The following DSP variants were observed in gnomAD, a reference collection of about 807,000 sequenced individuals.
The protein encoded by DSP is 250/210 kDa paraneoplastic pemphigus antigen.
A neutral mutation model predicts 290.6 loss-of-function variants in DSP; 114 were observed. The observed-to-expected ratio is 0.39, with a 90% CI of 0.34 to 0.46. The LOEUF is 0.46. Ranked by LOEUF, DSP falls within the 20% of genes least tolerant of loss-of-function variation. The probability of loss-of-function intolerance (pLI) is 0.99; values close to 1 mark genes in which losing one functional copy is unlikely to be tolerated. For synonymous variants in DSP, 1,311 were observed against 1,316.4 expected, an observed-to-expected ratio of 1.00 and a Z score of 0.09; for missense variants, 3,230 against 3,495.8, an observed-to-expected ratio of 0.92 and a Z score of 1.92.
chr6:7,570,400 G>A lies in DSP; in HGVS notation c.1575-37G>A, dbSNP rs752589035. On this transcript the variant is annotated intron_variant, in intron 12 of 23. Coordinates refer to ENST00000379802, the MANE Select transcript of DSP (RefSeq NM_004415.4). The stretch of plus-strand genomic sequence containing the variant: ...TTCCCATTTGGGATGAAGTGTGAAA[G>A]CCTGGCTCTAGCATGTTTTCCCTTT... The A allele has an allele frequency of 6.2e-6, 10 of 1,613,878 alleles. 1 individual carries two copies. The South Asian group carries it at 8.8e-5, about 14-fold the overall frequency.
chr6:7,565,693 C>A lies in DSP; in HGVS notation c.939+173C>A. 1 of 815,760 alleles carries A rather than the reference C, an allele frequency of 1.2e-6. No homozygotes were observed. The highest frequency in any genetic ancestry group is 1.9e-6 in the Non-Finnish European group (1 of 517,132). The allele number at this position is 815,760 out of a possible 1,614,324, so 50.5% of individuals were successfully genotyped here. The stretch of plus-strand genomic sequence containing the variant: ...TCCTGAAAACTTCTCCGTGTGGAGG[C>A]CATTATCCTTAGCAAACTTATGCGG... On this transcript the variant is annotated intron_variant, in intron 7 of 23. Coordinates refer to ENST00000379802, the MANE Select transcript of DSP (RefSeq NM_004415.4). The surrounding 1 kb of genome is among the most constrained non-coding windows in gnomAD (Gnocchi z 4.2).
chr6:7,548,010 C>T (rs2113641160), intron 1 of DSP, among the ~76,000 whole-genome samples: 2 of 152,270 alleles, frequency 1.3e-5, no homozygotes, highest in South Asian at 4.1e-4. Flanking sequence ...TGGCTCACGC[C>T]TGTAATCCAG....
At chr6:7,578,584 T>TG (rs1217457150) in intron 22 of DSP, 22 bp downstream of exon 22, 1 of 1,580,650 alleles carries the variant, frequency 6.3e-7, no homozygotes, top group Non-Finnish European at 8.7e-7. Context: ...TGTCTTTTCT[T>TG]GTAGCGTCAA....
chr6:7,576,714 T>C (rs1759250054), intron 19 of DSP, among the ~76,000 whole-genome samples: 1 of 152,212 alleles, frequency 6.6e-6, no homozygotes, highest in African/African-American at 2.4e-5. Context: ...ATTGAGGGGA[T>C]AGGCCCAGAA....
rs145951892 is a variant in DSP at position 7,571,556 on chromosome 6, G to A, written c.1875G>A (p.Gln625=). 1 of 1,614,188 alleles carries A rather than the reference G, an allele frequency of 6.2e-7. No homozygotes were observed. Among genetic ancestry groups the A allele is most frequent in the Non-Finnish European group, 8.5e-7 (1 of 1,180,020 alleles). ...AQKHYQTLVI[Q]LPGYPQHQTV... ...AGCATTACCAGACCCTGGTCATTCA[G>A]CTCCCTGGCTATCCCCAGCACCAGA... The change falls in exon 14 of 24, where the codon CAG becomes CAA. Residue 625 remains glutamine (Q), a synonymous_variant. Transcript: ENST00000379802.
At chr6:7,574,862 T>C (rs899030643) in intron 17 of DSP, 67 bp downstream of exon 17, 22 of 1,609,250 alleles carry the variant, frequency 1.4e-5, no homozygotes, top group Non-Finnish European at 1.7e-5. Context: ...CTCCCAATTA[T>C]AAAGCCTCAC....
chr6:7,585,412 G>T lies in DSP; in HGVS notation c.8150G>T (p.Trp2717Leu), dbSNP rs1318677826. 1 of 1,614,146 alleles carries T rather than the reference G, an allele frequency of 6.2e-7. No homozygotes were observed. Among genetic ancestry groups the T allele is most frequent in the Non-Finnish European group, 8.5e-7 (1 of 1,180,012 alleles). The change falls in exon 24 of 24, where the codon TGG becomes TTG. Residue 2717 changes from tryptophan (W) to leucine (L), a missense_variant. Physicochemically the swap from Trp to Leu is moderately conservative, Grantham distance 61. This residue lies in a region of DSP where 582 missense variants were observed against 555.4 expected (regional missense o/e 1.05). Coordinates refer to ENST00000379802, the MANE Select transcript of DSP (RefSeq NM_004415.4). ...MSAAEAVKEK[W>L]LPYEAGQRFL... Reference sequence around the variant, plus strand: ...GCAGCAGAGGCAGTGAAAGAAAAATGGCTCCCGTATGAGGCTGGCCAGCGC... The same window carrying T: ...GCAGCAGAGGCAGTGAAAGAAAAATTGCTCCCGTATGAGGCTGGCCAGCGC...
Position 7,555,700 on chromosome 6 carries a change from C to G in DSP, c.171-18C>G. On this transcript the variant is annotated intron_variant, in intron 1 of 23. Coordinates refer to ENST00000379802, the MANE Select transcript of DSP (RefSeq NM_004415.4). ...ATAGGTTATTTGATGTCTGGTTTCT[C>G]TGTGTTTGCCTCCTTAGTCAAACCG... is the stretch of plus-strand genomic sequence containing the variant. 1 of 1,610,164 alleles carries G rather than the reference C, an allele frequency of 6.2e-7. No homozygotes were observed. The highest frequency in any genetic ancestry group is 8.5e-7 in the Non-Finnish European group (1 of 1,176,392).
chr6:7,545,272 A>G (rs1416177039), intron 1 of DSP, among the ~76,000 whole-genome samples: 1 of 152,238 alleles, frequency 6.6e-6, no homozygotes, highest in Non-Finnish European at 1.5e-5. Context: ...CTTATTTCTT[A>G]CTATGAGACA....
Position 7,580,602 on chromosome 6 carries a change from A to C in DSP, c.4412A>C (p.Asp1471Ala). The C allele has an allele frequency of 6.2e-7, 1 of 1,614,186 alleles. No homozygotes were observed. The highest frequency in any genetic ancestry group is 8.5e-7 in the Non-Finnish European group (1 of 1,180,036). ...ESVRYKQSLD[D>A]AAKTIQDKNK... is the part of the protein sequence containing the mutation. The stretch of plus-strand genomic sequence containing the variant: ...GTAAGATATAAGCAATCTCTTGATG[A>C]TGCTGCCAAAACCATCCAGGATAAA... Residue 1471 changes from aspartate (D) to alanine (A), a missense_variant, in exon 23 of 24, where the codon GAT (aspartate) becomes GCT (alanine). By Grantham distance (126) the Asp-to-Ala change is moderately radical. Transcript: ENST00000379802. The surrounding 1 kb of genome is among the most constrained non-coding windows in gnomAD (Gnocchi z 4.2).
rs1236768993 is a variant in DSP, at chr6:7,579,285, C to G, written c.3095C>G (p.Thr1032Ser). ...KSLEDLKLKN[T>S]KIEVLEEELR... ...GATTTCATTCCACAGCTGAAAAATA[C>G]CAAGATCGAAGTTTTGGAAGAGGAG... Residue 1032 changes from threonine to serine, a missense_variant, in exon 23 of 24, where the codon ACC (threonine) becomes AGC (serine). Thr to Ser is a moderately conservative substitution (Grantham distance 58, BLOSUM62 1). Coordinates refer to ENST00000379802, the MANE Select transcript of DSP (RefSeq NM_004415.4). This position sits in a 1 kb window ranked among gnomAD's most constrained non-coding sequence, Gnocchi z 4.1. The G allele has an allele frequency of 1.2e-6, 2 of 1,613,940 alleles. No individual in the cohort carries two copies. Among genetic ancestry groups the G allele is most frequent in the South Asian group, 2.2e-5 (2 of 91,072 alleles).
In DSP at chr6:7,570,460, T is replaced by C. The variant is rs1270606551; in HGVS notation, c.1598T>C (p.Ile533Thr). ...AGGATTGAGCAGTACTACGAAGCCA[T>C]CTTGGCTCTGTGGAACCAGCTCTAC... ...SCKIEQYYEA[I>T]LALWNQLYIN... The change falls in exon 13 of 24, where the codon ATC (isoleucine) becomes ACC (threonine). Residue 533 changes from isoleucine to threonine, a missense_variant. Coordinates refer to ENST00000379802, the MANE Select transcript of DSP (RefSeq NM_004415.4). 6.2e-7 allele frequency: 1 copy of C among 1,614,158 alleles called. No individual in the cohort carries two copies. The highest frequency in any genetic ancestry group is 8.5e-7 in the Non-Finnish European group (1 of 1,180,034).
At chr6:7,552,036 G>A (rs745693165) in intron 1 of DSP, among the ~76,000 whole-genome samples, 8 of 152,110 alleles carry the variant, frequency 5.3e-5, no homozygotes, top group Non-Finnish European at 8.8e-5. Context: ...GATCAGACGC[G>A]GTCTTGAAAA....
At chr6:7,558,385 G>A in intron 3 of DSP, 121 bp downstream of exon 3, 2 of 1,421,334 alleles carry the variant, frequency 1.4e-6, no homozygotes, top group South Asian at 2.5e-5. Context: ...CCCAAGGAAA[G>A]GTTTGCTTAC....
In DSP at chr6:7,585,938, AAAT is replaced by A. The variant is rs768562165; in HGVS notation, c.*65_*67del. The stretch of plus-strand genomic sequence containing the variant: ...CATTTATATGAATTTCCACTTTATT[AAAT>A]AATAGAAAAGAAAATCCCGGTGCTT... On this transcript the variant is annotated 3_prime_UTR_variant, in exon 24 of 24. Coordinates refer to ENST00000379802, the MANE Select transcript of DSP (RefSeq NM_004415.4). The A allele has an allele frequency of 2.9e-5, 45 of 1,529,362 alleles. No individual in the cohort carries two copies. The highest frequency in any genetic ancestry group is 3.9e-5 in the Non-Finnish European group (43 of 1,112,456). The allele number at this position is 1,529,362 out of a possible 1,614,324, so 94.7% of individuals were successfully genotyped here.
At position 7,576,986 on chromosome 6, in the gene DSP, C is replaced by T. The variant is rs730880082; in HGVS notation, c.2821C>T (p.Arg941Ter). Residue 941 changes from arginine to a stop codon, truncating the protein, a stop_gained, in exon 20 of 24, where the codon CGA becomes TGA. Transcript: ENST00000379802. LOFTEE classifies it high-confidence loss of function. ...CTTGCACAGTGAAATATCTGGCAAA[C>T]GAGACAAATCAGAGGAAGTACAAAA... is the stretch of plus-strand genomic sequence containing the variant. The part of the protein sequence containing the change: ...KNLHSEISGK[R>*]DKSEEVQKIA... 1.9e-6 allele frequency: 3 copies of T among 1,612,968 alleles called. No homozygotes were observed. Among genetic ancestry groups the T allele is most frequent in the Non-Finnish European group, 2.5e-6 (3 of 1,179,410 alleles).
Position 7,583,097 on chromosome 6 carries a change from C to T in DSP, c.5835C>T (p.Arg1945=), listed in dbSNP as rs1285075605. Residue 1945 remains arginine (R), a synonymous_variant, in exon 24 of 24, where the codon CGC becomes CGT. Transcript: ENST00000379802. This position sits in a 1 kb window ranked among gnomAD's most constrained non-coding sequence, Gnocchi z 4.0. ...YQREIDKLRQ[R]PYGSHRETQT... is the part of the protein sequence containing the mutation. Reference sequence around the variant, plus strand: ...GGGAGATTGATAAACTCAGACAGCGCCCATATGGGTCCCATCGAGAGACCC... The same window carrying T: ...GGGAGATTGATAAACTCAGACAGCGTCCATATGGGTCCCATCGAGAGACCC... 2 of 1,613,876 alleles carry T rather than the reference C, an allele frequency of 1.2e-6. No homozygotes were observed. The highest frequency in any genetic ancestry group is 1.7e-5 in the Admixed American group (1 of 59,994).
chr6:7,572,044 C>G lies in DSP; in HGVS notation c.2106C>G (p.Ile702Met), dbSNP rs752986545. The change falls in exon 15 of 24, where the codon ATC becomes ATG. Residue 702 changes from isoleucine to methionine, a missense_variant. Around this residue, in one of 5 missense-constraint regions of DSP, gnomAD observed 1,714 missense variants for 1,844.5 expected, o/e 0.93. Transcript: ENST00000379802. Reference sequence around the variant, plus strand: ...CAGACCAGGGATCTTCTCACCACATCACAGTGAAAATTAACGAGCTTAAGG... The same window carrying G: ...CAGACCAGGGATCTTCTCACCACATGACAGTGAAAATTAACGAGCTTAAGG... Reference protein sequence around the residue: ...PLADQGSSHHITVKINELKSV... With the variant: ...PLADQGSSHHMTVKINELKSV... 3.7e-6 allele frequency: 6 copies of G among 1,614,160 alleles called. No individual in the cohort carries two copies. Among genetic ancestry groups the G allele is most frequent in the Non-Finnish European group, 4.2e-6 (5 of 1,180,004 alleles).
At chr6:7,550,828 G>C (rs1758320135) in intron 1 of DSP, among the ~76,000 whole-genome samples, 1 of 149,382 alleles carries the variant, frequency 6.7e-6, no homozygotes, top group African/African-American at 2.5e-5. Flanking sequence ...CATGACATCT[G>C]CCATCTTCTG....
Sources: allele counts gnomAD v4.1 joint callset (sites outside exome capture counted in the v4.1 genomes callset), GRCh38; gene constraint gnomAD v4.1.1; regional missense constraint gnomAD v4.1.1; non-coding constraint Gnocchi (gnomAD v3.1); transcripts MANE v1.5; gene names NCBI Gene and HGNC (gene_info 2026-07-23, HGNC 2026-07-21).